Variants in FAM124A observed in about 807,000 individuals in gnomAD.
FAM124A encodes the protein protein FAM124A.
Under a neutral mutation model 24.5 loss-of-function variants are expected in FAM124A, and 23 were observed. The ratio of observed to expected loss-of-function variants is 0.94; its 90% CI spans 0.68 to 1.33. FAM124A has a LOEUF of 1.33. Ranked by LOEUF, FAM124A falls within the 40% of genes most tolerant of loss-of-function variation. The pLI is 0.00. For missense variants in FAM124A, 623 were observed against 722.8 expected (o/e 0.86, Z 1.58); for synonymous variants, 287 against 314.7 (o/e 0.91, Z 0.93).
intron 3 of FAM124A, chr13:51,253,319 T>C (rs1006510942): frequency 6.6e-6 from 1 of 152,242 alleles, no homozygotes; most frequent in Non-Finnish European, 1.5e-5. Context: ...GTCAGATAAC[T>C]GGTTCAGACT....
In FAM124A at chr13:51,258,666, G is replaced by T. The variant is rs1432321841; in HGVS notation, c.834+6465G>T. Among the ~76,000 whole-genome samples the T allele has an allele frequency of 6.6e-6, 1 of 152,206 alleles. No homozygotes were observed. The highest frequency in any genetic ancestry group is 6.5e-5 in the Admixed American group (1 of 15,282). On this transcript the variant is annotated intron_variant, in intron 3 of 3. Coordinates refer to ENST00000322475, the MANE Select transcript of FAM124A (RefSeq NM_001242312.2). This position sits in a 1 kb window ranked among gnomAD's most constrained non-coding sequence, Gnocchi z 4.2. ...AGAGTCTCAACTCTTGTACTCACCT[G>T]TTGAGTGGCTAGGGGCATGTTCCAC... is the stretch of plus-strand genomic sequence containing the variant.
chr13:51,276,624 C>A (rs1200561351), intron 3 of FAM124A, among the ~76,000 whole-genome samples: 1 of 152,206 alleles, frequency 6.6e-6, no homozygotes, highest in Non-Finnish European at 1.5e-5. Context: ...ACAACACAGG[C>A]TTTGCCCATG....
intron 2 of FAM124A, among the ~76,000 whole-genome samples, chr13:51,235,618 C>A (rs1954427836): frequency 6.6e-6 from 1 of 152,206 alleles, no homozygotes; most frequent in African/African-American, 2.4e-5. Flanking sequence ...TGAGGCTGTT[C>A]TGAAGGAACC....
chr13:51,253,951 C>G (rs879187547), intron 3 of FAM124A, among the ~76,000 whole-genome samples: 31 of 152,150 alleles, frequency 2.0e-4, no homozygotes, highest in East Asian at 7.7e-4. Context: ...ACCTCTCCCC[C>G]CAAGATTCTT....
At chr13:51,257,357 T>C (rs1954686123) in intron 3 of FAM124A, among the ~76,000 whole-genome samples, 2 of 152,198 alleles carry the variant, frequency 1.3e-5, no homozygotes, top group Non-Finnish European at 2.9e-5. Flanking sequence ...GGCCTGCTCT[T>C]CCTAAGGTGA....
intron 3 of FAM124A, among the ~76,000 whole-genome samples, chr13:51,262,992 GGCCCACTGTA>G (rs2137694421): frequency 6.6e-6 from 1 of 152,344 alleles, no homozygotes; most frequent in South Asian, 2.1e-4. Flanking sequence ...AGGGCTCCTG[GGCCCACTGTA>G]GCCCCTGCTG....
intron 2 of FAM124A, among the ~76,000 whole-genome samples, chr13:51,242,712 G>C (rs1593591999): frequency 1.3e-5 from 2 of 151,564 alleles, no homozygotes; most frequent in Non-Finnish European, 1.5e-5. Context: ...ATTTCCAAGT[G>C]GAAAAAAAAA....
chr13:51,258,731 A>T lies in FAM124A; in HGVS notation c.834+6530A>T, dbSNP rs1954700550. ...TTGTTTCCAAATCTGAACACTTAGG[A>T]TGGTAATTCTTCCCTAGCAGAGTCA... On this transcript the variant is annotated intron_variant, in intron 3 of 3. Transcript: ENST00000322475. The surrounding 1 kb of genome is among the most constrained non-coding windows in gnomAD (Gnocchi z 4.2). Among the ~76,000 whole-genome samples, 1 of 152,214 alleles carries T rather than the reference A, an allele frequency of 6.6e-6. No homozygotes were observed. The highest frequency in any genetic ancestry group is 2.4e-5 in the African/African-American group (1 of 41,458).
intron 3 of FAM124A, among the ~76,000 whole-genome samples, chr13:51,264,154 C>T (rs1462499646): frequency 6.6e-6 from 1 of 152,168 alleles, no homozygotes; most frequent in African/African-American, 2.4e-5. Context: ...TGCTTGCTCT[C>T]GAATGGTTTT....
chr13:51,254,160 G>A (rs183422500), intron 3 of FAM124A, among the ~76,000 whole-genome samples: 1 of 152,152 alleles, frequency 6.6e-6, no homozygotes, highest in Non-Finnish European at 1.5e-5. Flanking sequence ...AGCAGTGTAC[G>A]TTCCCTGAGT....
At chr13:51,261,689 C>T (rs569200939) in intron 3 of FAM124A, among the ~76,000 whole-genome samples, 2 of 152,262 alleles carry the variant, frequency 1.3e-5, no homozygotes, top group South Asian at 2.1e-4. Context: ...TAGTTTGGTC[C>T]GTTCAGGGTT....
chr13:51,227,988 A>G (rs1000043224), intron 1 of FAM124A, among the ~76,000 whole-genome samples: 3 of 152,218 alleles, frequency 2.0e-5, no homozygotes, highest in Admixed American at 6.5e-5. Context: ...TGCTGTATAG[A>G]AGACCAGATC....
At chr13:51,229,752 A>T (rs749715636) in intron 1 of FAM124A, among the ~76,000 whole-genome samples, 24 of 152,222 alleles carry the variant, frequency 1.6e-4, no homozygotes, top group Non-Finnish European at 3.2e-4. Context: ...ATATTTGCTG[A>T]GCAGTCACTA....
At chr13:51,278,619 A>T (rs551482022) in intron 3 of FAM124A, among the ~76,000 whole-genome samples, 1 of 152,274 alleles carries the variant, frequency 6.6e-6, no homozygotes, top group East Asian at 1.9e-4. Context: ...TCAGCCTCAA[A>T]TTCCGCCCAC....
At position 51,251,893 on chromosome 13, in the gene FAM124A, G is replaced by A. The variant is rs370492598; in HGVS notation, c.526G>A (p.Val176Ile). Residue 176 changes from valine to isoleucine, a missense_variant, in exon 3 of 4, where the codon GTC (valine) becomes ATC (isoleucine). Transcript: ENST00000322475. This position sits in a 1 kb window ranked among gnomAD's most constrained non-coding sequence, Gnocchi z 5.3. The stretch of plus-strand genomic sequence containing the variant: ...CGGCAAGGAAATCGTGCGCTTCACC[G>A]TCTACTGTCGCTACGACAACTATGC... ...HYGKEIVRFT[V>I]YCRYDNYADS... is the part of the protein sequence containing the mutation. 6.2e-6 allele frequency: 10 copies of A among 1,613,936 alleles called. No individual in the cohort carries two copies. Among genetic ancestry groups the A allele is most frequent in the Non-Finnish European group, 8.5e-6 (10 of 1,180,032 alleles).
Position 51,234,256 on chromosome 13 carries a change from G to A in FAM124A, c.100+2877G>A, listed in dbSNP as rs533677458. Among the ~76,000 whole-genome samples, 3 of 152,258 alleles carry A rather than the reference G, an allele frequency of 2.0e-5. No individual in the cohort carries two copies. In the East Asian group the frequency reaches 5.8e-4, roughly 29 times the overall value. On this transcript the variant is annotated intron_variant, in intron 2 of 3. Coordinates refer to ENST00000322475, the MANE Select transcript of FAM124A (RefSeq NM_001242312.2). ...ACAGGGGCAGAAATGCTTCCTTGGG[G>A]TAAGCTAGCAAGAGCATCGACCTTG...
chr13:51,269,274 T>C (rs1954817816), intron 3 of FAM124A, among the ~76,000 whole-genome samples: 1 of 152,214 alleles, frequency 6.6e-6, no homozygotes, highest in Non-Finnish European at 1.5e-5. Context: ...TAAAAATACA[T>C]GATATTAACA....
intron 3 of FAM124A, among the ~76,000 whole-genome samples, chr13:51,261,418 C>T (rs1314911645): frequency 6.6e-6 from 1 of 152,364 alleles, no homozygotes; most frequent in Admixed American, 6.5e-5. Context: ...AGCTACCCAG[C>T]ATGCTTGAAA....
chr13:51,276,028 C>G (rs1388010558), intron 3 of FAM124A, among the ~76,000 whole-genome samples: 1 of 152,192 alleles, frequency 6.6e-6, no homozygotes, highest in Non-Finnish European at 1.5e-5. Context: ...GAGATACAAA[C>G]GAGCATGAGG....
Sources: gnomAD v4.1 joint callset for allele counts (sites outside exome capture counted in the v4.1 genomes callset) on GRCh38, gnomAD v4.1.1 for gene constraint, Gnocchi (gnomAD v3.1) non-coding constraint, MANE v1.5 for transcripts, NCBI Gene and HGNC (gene_info 2026-07-23, HGNC 2026-07-21) for gene names.